The following TTC21B variants were observed in gnomAD, a reference collection of about 807,000 sequenced individuals.
TTC21B encodes the protein tetratricopeptide repeat domain 21B.
In TTC21B, 127 loss-of-function variants were observed where a neutral mutation model predicts 175.1. The ratio of observed to expected loss-of-function variants is 0.73; its 90% CI spans 0.63 to 0.84. The LOEUF is 0.84. Ranked by LOEUF, TTC21B falls within the 40% of genes least tolerant of loss-of-function variation. The pLI is 0.00. For missense variants in TTC21B, 1,561 were observed against 1,558.3 expected, an observed-to-expected ratio of 1.00 and a Z score of -0.03; for synonymous variants, 524 against 524.5, an observed-to-expected ratio of 1.00 and a Z score of 0.01.
chr2:165,953,740 A>G lies in TTC21B; in HGVS notation c.-35T>C. 1 of 1,546,618 alleles carries G rather than the reference A, an allele frequency of 6.5e-7. No homozygotes were observed. Among genetic ancestry groups the G allele is most frequent in the Middle Eastern group, 1.7e-4 (1 of 5,938 alleles). ...GAGGCCGGGCCGCGGGGCTCTGGGGATTGTCTCGCCGCAGCCTAAAGGAAG... is the reference window on the plus strand; with the variant it reads ...GAGGCCGGGCCGCGGGGCTCTGGGGGTTGTCTCGCCGCAGCCTAAAGGAAG... On this transcript the variant is annotated 5_prime_UTR_variant, in exon 1 of 29. Transcript: ENST00000243344.
In TTC21B at chr2:165,929,325, T is replaced by C. The variant is rs1174061618; in HGVS notation, c.1196A>G (p.Tyr399Cys). 6.2e-7 allele frequency: 1 copy of C among 1,604,826 alleles called. No homozygotes were observed. The change falls in exon 11 of 29, where the codon TAT becomes TGT. Residue 399 changes from tyrosine (Y) to cysteine (C), a missense_variant. By Grantham distance (194) the Tyr-to-Cys change is radical (BLOSUM62 -2). Coordinates refer to ENST00000243344, the MANE Select transcript of TTC21B (RefSeq NM_024753.5). ...QSIGKSAELI[Y>C]LHAVLAMKKN... Reference sequence around the variant, plus strand: ...CTTCATGGCAAGAACTGCATGTAAATAGATTAATTCCTAGAAAATAAGTAG... The same window carrying C: ...CTTCATGGCAAGAACTGCATGTAAACAGATTAATTCCTAGAAAATAAGTAG...
intron 20 of TTC21B, among the ~76,000 whole-genome samples, chr2:165,900,313 A>G (rs1271058508): frequency 6.6e-6 from 1 of 152,176 alleles, no homozygotes; most frequent in Non-Finnish European, 1.5e-5. Flanking sequence ...CACCACTGAA[A>G]AAGGTATCTG....
chr2:165,936,351 A>T (rs1559070905), intron 6 of TTC21B, among the ~76,000 whole-genome samples: 1 of 152,158 alleles, frequency 6.6e-6, no homozygotes, highest in Non-Finnish European at 1.5e-5. Flanking sequence ...ATAAAACTAT[A>T]AAATTCCTAG....
chr2:165,896,883 T>G (rs796573303), intron 22 of TTC21B, among the ~76,000 whole-genome samples: 11 of 152,254 alleles, frequency 7.2e-5, no homozygotes, highest in African/African-American at 1.7e-4. Context: ...CTAAGGGTTT[T>G]TTTGTTTGTT....
chr2:165,877,546 C>T (rs559493150), intron 27 of TTC21B, among the ~76,000 whole-genome samples: 25 of 152,238 alleles, frequency 1.6e-4, no homozygotes, highest in African/African-American at 6.0e-4. Flanking sequence ...ATAGGCTATA[C>T]CAGATAGCCC....
In TTC21B at chr2:165,890,575, C is replaced by A. The variant is rs746423189; in HGVS notation, c.3167G>T (p.Gly1056Val). The A allele has an allele frequency of 1.2e-6, 2 of 1,613,560 alleles. No individual in the cohort carries two copies. Among genetic ancestry groups the A allele is most frequent in the African/African-American group, 1.3e-5 (1 of 74,886 alleles). Residue 1056 changes from glycine (G) to valine (V), a missense_variant, in exon 24 of 29, where the codon GGC becomes GTC. Gly to Val is a moderately radical substitution (Grantham distance 109). Transcript: ENST00000243344. ...TATCATATTATAAAGGGCATTTTGG[C>A]CCCAGTCACGATCTTTCCGAGCTTT... The part of the protein sequence containing the change: ...FNKARKDRDW[G>V]QNALYNMIEI...
At chr2:165,929,850 C>G (rs1686820438) in intron 9 of TTC21B, 103 bp from the exon 10 acceptor site, 1 of 794,498 alleles carries the variant, frequency 1.3e-6, no homozygotes, top group South Asian at 1.4e-5. Context: ...TCCCCCATCA[C>G]AATACTTAAC....
intron 25 of TTC21B, among the ~76,000 whole-genome samples, chr2:165,886,182 A>G (rs1684992373): frequency 6.6e-6 from 1 of 152,174 alleles, no homozygotes; most frequent in Admixed American, 6.5e-5. Flanking sequence ...AATGCAATTT[A>G]TCTTGGTTCT....
At position 165,922,566 on chromosome 2, in the gene TTC21B, C is replaced by CAAA. The variant is rs71031215; in HGVS notation, c.1516+1980_1516+1982dup. On this transcript the variant is annotated intron_variant, in intron 12 of 28. Coordinates refer to ENST00000243344, the MANE Select transcript of TTC21B (RefSeq NM_024753.5). ...GCCGGAATAGCCACTATTAAAAAGT[C>CAAA]AAAAAAAAAAAAAAAAAAAAGACGT... 4.4e-3 allele frequency among the ~76,000 whole-genome samples: 430 copies of CAAA among 97,370 alleles called. 10 individuals carry two copies. The highest frequency in any genetic ancestry group is 0.014 in the African/African-American group (366 of 25,364). The allele number at this position is 97,370 out of a possible 152,430, so 63.9% of individuals were successfully genotyped here.
At chr2:165,927,195 G>T in intron 11 of TTC21B, among the ~76,000 whole-genome samples, 2 of 39,286 alleles carry the variant, frequency 5.1e-5, no homozygotes, top group Non-Finnish European at 1.1e-4. Context: ...TATCCTAGTA[G>T]TTATATATAT....
At chr2:165,916,935 G>A (rs1360653415) in intron 14 of TTC21B, among the ~76,000 whole-genome samples, 1 of 152,078 alleles carries the variant, frequency 6.6e-6, no homozygotes, top group African/African-American at 2.4e-5. Flanking sequence ...GGAGTGCAGT[G>A]GCATCATCTC....
At chr2:165,897,464 G>A (rs1396434722) in intron 22 of TTC21B, among the ~76,000 whole-genome samples, 1 of 152,180 alleles carries the variant, frequency 6.6e-6, no homozygotes, top group East Asian at 1.9e-4. Context: ...GCACAACAGT[G>A]AGCAGTGATG....
intron 5 of TTC21B, 43 bp downstream of exon 5, chr2:165,943,176 A>C (rs540836967): frequency 1.2e-5 from 20 of 1,604,660 alleles, no homozygotes; most frequent in Non-Finnish European, 1.7e-5. Flanking sequence ...TATATTATGA[A>C]TATATTTTGA....
rs1412135409 is a variant in TTC21B, at chr2:165,917,381, A to G, written c.1775T>C (p.Leu592Ser). ...AGCTCCAATTCTTTTCATTCCTGGT[A>G]AACTCATTGCCATATGCAGTGTTTT... ...AIKTLHMAMS[L>S]PGMKRIGAST... Residue 592 changes from leucine to serine, a missense_variant, in exon 14 of 29, where the codon TTA becomes TCA. Leu to Ser is a moderately radical substitution (Grantham distance 145). Transcript: ENST00000243344. 2 of 1,614,032 alleles carry G rather than the reference A, an allele frequency of 1.2e-6. No individual in the cohort carries two copies. Among genetic ancestry groups the G allele is most frequent in the Admixed American group, 3.3e-5 (2 of 60,002 alleles).
chr2:165,945,378 C>T (rs1687514772), intron 4 of TTC21B, 146 bp downstream of exon 4: 1 of 750,056 alleles, frequency 1.3e-6, no homozygotes, highest in African/African-American at 1.7e-5. Context: ...ATATTGATAA[C>T]CATAAATGGG....
In TTC21B at chr2:165,901,868, C is replaced by T. The variant is rs757730050; in HGVS notation, c.2611G>A (p.Glu871Lys). 9.9e-6 allele frequency: 16 copies of T among 1,613,796 alleles called. No individual in the cohort carries two copies. The highest frequency in any genetic ancestry group is 3.3e-5 in the Admixed American group (2 of 59,992). The change falls in exon 20 of 29, where the codon GAA becomes AAA. Residue 871 changes from glutamate to lysine, a missense_variant. Glu to Lys is a moderately conservative substitution (Grantham distance 56). Coordinates refer to ENST00000243344, the MANE Select transcript of TTC21B (RefSeq NM_024753.5). Reference sequence around the variant, plus strand: ...TGTGCAGGAACTGCATCTGGCTGTTCCATCTGAACACGTTTTAGTACCCGA... The same window carrying T: ...TGTGCAGGAACTGCATCTGGCTGTTTCATCTGAACACGTTTTAGTACCCGA... ...QARVLKRVQM[E>K]QPDAVPAQKH...
intron 19 of TTC21B, among the ~76,000 whole-genome samples, chr2:165,905,962 A>G (rs1392801343): frequency 6.6e-6 from 1 of 152,210 alleles, no homozygotes; most frequent in East Asian, 1.9e-4. Flanking sequence ...AACAAATTGC[A>G]AAGGATTGAA....
chr2:165,921,881 A>G (rs941422414), intron 12 of TTC21B, among the ~76,000 whole-genome samples: 13 of 150,920 alleles, frequency 8.6e-5, no homozygotes, highest in African/African-American at 3.2e-4. Context: ...GGTTACATGA[A>G]TAAGTTATTT....
intron 18 of TTC21B, among the ~76,000 whole-genome samples, chr2:165,910,679 A>G (rs1041806265): frequency 2.6e-5 from 4 of 152,200 alleles, no homozygotes; most frequent in African/African-American, 4.8e-5. Context: ...AGATAGAATA[A>G]TATGAATAAA....
Sources: allele counts gnomAD v4.1 joint callset (sites outside exome capture counted in the v4.1 genomes callset), GRCh38; gene constraint gnomAD v4.1.1; transcripts MANE v1.5; gene names NCBI Gene and HGNC (gene_info 2026-07-23, HGNC 2026-07-21).